SMYD3: variants seen among roughly 807,000 people sequenced by gnomAD.
SMYD3 encodes SET and MYND domain containing 3.
A neutral mutation model predicts 57.7 loss-of-function variants in SMYD3; 36 were observed. The ratio of observed to expected loss-of-function variants is 0.62; its 90% CI spans 0.48 to 0.82. The LOEUF is 0.82. Among genes scored for constraint, SMYD3 ranks in the 40% least tolerant of loss-of-function variants. The pLI, the probability that SMYD3 is intolerant of heterozygous loss-of-function variation, is 0.00. For synonymous variants in SMYD3, 211 were observed against 195.0 expected (o/e 1.08, Z -0.68); for missense variants, 515 against 538.8 (o/e 0.96, Z 0.44).
chr1:246,357,334 T>C (rs2148708667), intron 1 of SMYD3, among the ~76,000 whole-genome samples: 2 of 152,272 alleles, frequency 1.3e-5, no homozygotes, highest in African/African-American at 4.8e-5. Flanking sequence ...AGGTCACTGG[T>C]GGTCCTCACT....
At chr1:246,361,000 G>A (rs1056233990) in intron 1 of SMYD3, among the ~76,000 whole-genome samples, 4 of 152,174 alleles carry the variant, frequency 2.6e-5, no homozygotes, top group Admixed American at 2.6e-4. Context: ...ATAATCAGCA[G>A]AGTTAACAGA....
At chr1:246,108,745 A>T (rs2061174986) in intron 5 of SMYD3, 1 of 152,268 alleles carries the variant, frequency 6.6e-6, no homozygotes, top group African/African-American at 2.4e-5. Context: ...AGCCCAGCTC[A>T]GTCCAGCTAG....
At chr1:246,489,550 A>G (rs2068237788) in intron 1 of SMYD3, among the ~76,000 whole-genome samples, 1 of 152,132 alleles carries the variant, frequency 6.6e-6, no homozygotes, top group African/African-American at 2.4e-5. Flanking sequence ...ACAGAAAGGA[A>G]ATTTGCTCTA....
At chr1:246,469,281 C>T (rs757612812) in intron 1 of SMYD3, among the ~76,000 whole-genome samples, 1 of 152,188 alleles carries the variant, frequency 6.6e-6, no homozygotes, top group Non-Finnish European at 1.5e-5. Context: ...TCTTCCATTC[C>T]ACAATTCCCC....
In SMYD3 at chr1:246,185,873, C is replaced by G. The variant is rs112557044; in HGVS notation, c.531+141328G>C. 1.5e-3 allele frequency among the ~76,000 whole-genome samples: 236 copies of G among 152,272 alleles called. 1 individual carries two copies. The highest frequency in any genetic ancestry group is 5.4e-3 in the African/African-American group (224 of 41,548). On this transcript the variant is annotated intron_variant, in intron 5 of 11. Transcript: ENST00000490107. Reference sequence around the variant, plus strand: ...ACTTACACAATTTTTACATACATAACATACTTTAGTTCCTTGATTCTATGC... The same window carrying G: ...ACTTACACAATTTTTACATACATAAGATACTTTAGTTCCTTGATTCTATGC...
intron 10 of SMYD3, among the ~76,000 whole-genome samples, chr1:245,812,700 C>CAAAAAAAAAAAAAAAAAAAAAA (rs201426225): frequency 4.3e-5 from 2 of 46,584 alleles, no homozygotes; most frequent in Non-Finnish European, 6.0e-5. Flanking sequence ...AACAACAGTT[C>CAAAAAAAAAAAAAAAAAAAAAA]CAAAAAAAAA....
chr1:245,773,548 C>T (rs1438633250), intron 10 of SMYD3, among the ~76,000 whole-genome samples: 1 of 152,156 alleles, frequency 6.6e-6, no homozygotes, highest in Non-Finnish European at 1.5e-5. Flanking sequence ...TGAGGACTGG[C>T]CAGCATCTTC....
At chr1:245,765,795 T>C (rs2148063302) in intron 10 of SMYD3, among the ~76,000 whole-genome samples, 2 of 152,210 alleles carry the variant, frequency 1.3e-5, no homozygotes, top group East Asian at 3.9e-4. Context: ...TAAGATGACC[T>C]AGAATCCATC....
At chr1:246,285,343 A>G (rs937501715) in intron 5 of SMYD3, among the ~76,000 whole-genome samples, 2 of 152,062 alleles carry the variant, frequency 1.3e-5, no homozygotes, top group African/African-American at 4.8e-5. Flanking sequence ...ATATACCACA[A>G]TTTCTTTATC....
At chr1:246,255,282 ATTATTTTGATGGATCTTATTAT>A (rs2063862922) in intron 5 of SMYD3, among the ~76,000 whole-genome samples, 1 of 149,222 alleles carries the variant, frequency 6.7e-6, no homozygotes, top group South Asian at 2.1e-4. Flanking sequence ...GATGGATCTT[ATTATTTTGATGGATCTTATTAT>A]TTGATGGATC....
chr1:246,452,399 G>A (rs968170395), intron 1 of SMYD3, among the ~76,000 whole-genome samples: 13 of 152,146 alleles, frequency 8.5e-5, no homozygotes, highest in African/African-American at 2.7e-4. Flanking sequence ...CTACTGGGGA[G>A]GCTGAGGCAC....
chr1:246,429,344 G>T (rs755110269), intron 1 of SMYD3, among the ~76,000 whole-genome samples: 16 of 152,144 alleles, frequency 1.1e-4, no homozygotes, highest in Non-Finnish European at 2.2e-4. Flanking sequence ...GCTATGGATT[G>T]TAAGACATGC....
intron 5 of SMYD3, among the ~76,000 whole-genome samples, chr1:246,121,059 T>G (rs907969885): frequency 1.3e-5 from 2 of 152,210 alleles, no homozygotes; most frequent in African/African-American, 4.8e-5. Flanking sequence ...GGATACAGTC[T>G]AAGAATATTA....
Position 246,390,093 on chromosome 1 carries a change from G to A in SMYD3, c.165-34999C>T, listed in dbSNP as rs925549871. On this transcript the variant is annotated intron_variant, in intron 1 of 11. Coordinates refer to ENST00000490107, the MANE Select transcript of SMYD3 (RefSeq NM_001167740.2). ...AAAAACCTTACCTTTGTTCCCTAAC[G>A]CTATAGTCCAAGTTGGGGCAAGTGG... Among the ~76,000 whole-genome samples, 4 of 151,710 alleles carry A rather than the reference G, an allele frequency of 2.6e-5. No individual in the cohort carries two copies. In the East Asian group the frequency reaches 5.8e-4, roughly 22 times the overall value.
At chr1:246,083,004 C>G (rs61595214) in intron 5 of SMYD3, among the ~76,000 whole-genome samples, 36,173 of 140,320 alleles carry the variant, frequency 0.26, 6,737 homozygotes, top group African/African-American at 0.5. Context: ...CCTCTGCCTA[C>G]GAAAGCCAGG....
chr1:246,477,517 C>T (rs1156513746), intron 1 of SMYD3, among the ~76,000 whole-genome samples: 1 of 152,228 alleles, frequency 6.6e-6, no homozygotes, highest in East Asian at 1.9e-4. Context: ...ATTAGGCAGA[C>T]CTGGGTTTAC....
At chr1:246,198,048 G>A (rs762027484) in intron 5 of SMYD3, among the ~76,000 whole-genome samples, 1 of 152,124 alleles carries the variant, frequency 6.6e-6, no homozygotes, top group Non-Finnish European at 1.5e-5. Flanking sequence ...ATAGTTATGT[G>A]CTTGACCTGT....
chr1:245,862,077 G>A (rs1362035638), intron 9 of SMYD3, among the ~76,000 whole-genome samples: 1 of 123,606 alleles, frequency 8.1e-6, no homozygotes, highest in East Asian at 2.0e-4. Flanking sequence ...GGGACCTCCT[G>A]CTTCCAGAGT....
chr1:245,828,087 GA>G (rs1414019885), intron 10 of SMYD3, among the ~76,000 whole-genome samples: 1 of 152,166 alleles, frequency 6.6e-6, no homozygotes, highest in African/African-American at 2.4e-5. Context: ...TGAACAGAAA[GA>G]AAGGAATAAA....
Sources: gnomAD v4.1 joint callset for allele counts (sites outside exome capture counted in the v4.1 genomes callset) on GRCh38, gnomAD v4.1.1 for gene constraint, MANE v1.5 for transcripts, NCBI Gene and HGNC (gene_info 2026-07-23, HGNC 2026-07-21) for gene names.